PDLIM2: variants seen among roughly 807,000 people sequenced by gnomAD.
PDLIM2 encodes the protein PDZ and LIM domain 2.
In PDLIM2, 51 loss-of-function variants were observed where a neutral mutation model predicts 54.1. The ratio of observed to expected loss-of-function variants is 0.94; its 90% confidence interval spans 0.75 to 1.19. The LOEUF (loss-of-function observed/expected upper bound fraction) is 1.19. Ranked by LOEUF, PDLIM2 falls within the 50% of genes most tolerant of loss-of-function variation. The pLI, the probability that PDLIM2 is intolerant of heterozygous loss-of-function variation, is 0.00. For missense variants in PDLIM2, 912 were observed against 874.0 expected, an observed-to-expected ratio of 1.04 and a Z score of -0.55; for synonymous variants, 398 against 385.6, an observed-to-expected ratio of 1.03 and a Z score of -0.38.
At chr8:22,594,641 A>G (rs1410204947), downstream of PDLIM2, 1 of 1,613,096 alleles carries the variant, frequency 6.2e-7, no homozygotes, top group East Asian at 2.2e-5. Flanking sequence ...CATCCAGCCA[A>G]GCTGGTGAGA....
In PDLIM2 at chr8:22,581,704, G is replaced by A. The variant is rs146797408; in HGVS notation, c.995+174G>A. Among the ~76,000 whole-genome samples, 323 of 152,358 alleles carry A rather than the reference G, an allele frequency of 2.1e-3. 1 individual carries two copies. Among genetic ancestry groups the A allele is most frequent in the African/African-American group, 7.5e-3 (313 of 41,590 alleles). ...GGCTCTGCTTCCTGCAGCAGGGTGG[G>A]CTGAGGGGTGTTCCCATGCCTGGTT... On this transcript the variant is annotated intron_variant, in intron 3 of 9. Coordinates refer to ENST00000308354, the Ensembl canonical transcript of PDLIM2.
At chr8:22,591,123 C>T in intron 8 of PDLIM2, 1 of 228,566 alleles carries the variant, frequency 4.4e-6, no homozygotes, top group Non-Finnish European at 8.8e-6. Context: ...CGGGCGACAG[C>T]TGCCCCGTAG....
chr8:22,594,552 G>T, downstream of PDLIM2: 1 of 1,614,094 alleles, frequency 6.2e-7, no homozygotes, highest in South Asian at 1.1e-5. Context: ...GCTATGGAGG[G>T]AATGAGATTG....
At chr8:22,590,040 G>A in intron 8 of PDLIM2, 1 of 403,336 alleles carries the variant, frequency 2.5e-6, no homozygotes. Context: ...GGCCTCCAGG[G>A]AGGGCTTCTT....
In PDLIM2 at chr8:22,591,683, G is replaced by A; in HGVS notation, c.1631+15G>A. ...ACCAGCATCGCGTGAGTGTGGAGGG[G>A]GGTGGGGGACCTGAGCCTTCACAGG... On this transcript the variant is annotated intron_variant, in intron 9 of 9. Coordinates refer to ENST00000308354, the Ensembl canonical transcript of PDLIM2. 1 of 1,598,802 alleles carries A rather than the reference G, an allele frequency of 6.3e-7. No individual in the cohort carries two copies. The highest frequency in any genetic ancestry group is 8.5e-7 in the Non-Finnish European group (1 of 1,171,092).
At chr8:22,581,612 A>C in intron 3 of PDLIM2, 82 bp downstream of exon 2, 1 of 1,476,236 alleles carries the variant, frequency 6.8e-7, no homozygotes, top group Non-Finnish European at 9.0e-7. Flanking sequence ...GCTCCTGCCC[A>C]TGGGCTAGAG....
Position 22,579,131 on chromosome 8 carries a change from G to T in PDLIM2, c.352G>T (p.Glu118Ter). The stretch of plus-strand genomic sequence containing the variant: ...GGGAGCCCCGGGCGGGCTCTCCCCA[G>T]AGTCGGGTAGACGGCAGCGGGAGCG... Residue 118 changes from glutamate to a stop codon, truncating the protein, a stop_gained, in exon 1 of 10, where the codon GAG becomes TAG. Coordinates refer to ENST00000308354, the Ensembl canonical transcript of PDLIM2. LOFTEE classifies it high-confidence loss of function. The T allele has an allele frequency of 7.7e-7, 1 of 1,306,998 alleles. No homozygotes were observed. 81.0% of individuals were successfully genotyped at this position (1,306,998 alleles called of 1,614,324 possible).
At chr8:22,579,351 C>A in exon 1 of PDLIM2, 1 of 1,467,484 alleles carries the variant, frequency 6.8e-7, no homozygotes, top group South Asian at 1.3e-5. Context: ...CTCGCATCAG[C>A]GGGGGCGCCC....
At chr8:22,589,545 G>A (rs1393427962) in intron 7 of PDLIM2, 51 bp from the exon 7 acceptor site, 2 of 1,556,000 alleles carry the variant, frequency 1.3e-6, no homozygotes, top group South Asian at 1.2e-5. Context: ...CCCCTTGCTT[G>A]CCTAAGCTCC....
chr8:22,588,066 C>T (rs1229315515), intron 6 of PDLIM2: 1 of 152,300 alleles, frequency 6.6e-6, no homozygotes. Context: ...CGGAAACTAT[C>T]TCTAGGTCCT....
intron 8 of PDLIM2, 85 bp downstream of exon 7, chr8:22,589,826 CT>C: frequency 6.6e-7 from 1 of 1,512,556 alleles, no homozygotes; most frequent in South Asian, 1.2e-5. Context: ...AACCAGTGTT[CT>C]TAAGTGCCTG....
rs754320168 is a variant in PDLIM2 at position 22,591,681 on chromosome 8, G to C, written c.1631+13G>C. On this transcript the variant is annotated intron_variant, in intron 9 of 9. Transcript: ENST00000308354. ...GTACCAGCATCGCGTGAGTGTGGAG[G>C]GGGGTGGGGGACCTGAGCCTTCACA... is the stretch of plus-strand genomic sequence containing the variant. 1.9e-6 allele frequency: 3 copies of C among 1,599,254 alleles called. No homozygotes were observed. The highest frequency in any genetic ancestry group is 2.6e-6 in the Non-Finnish European group (3 of 1,171,390).
In PDLIM2 at chr8:22,593,543, T is replaced by TTCCA. The variant is rs61395553; in HGVS notation, c.1632-189_1632-186dup. On this transcript the variant is annotated intron_variant, in intron 9 of 9. Coordinates refer to ENST00000308354, the Ensembl canonical transcript of PDLIM2. ...TGTGAGCTGAGATCACACCATTGTA[T>TTCCA]TCCAGCCTGGGCAACAAGAGCAAAA... is the stretch of plus-strand genomic sequence containing the variant. 8.0e-3 allele frequency: 4,693 copies of TTCCA among 584,784 alleles called. 275 individuals are homozygous for TTCCA. The East Asian group carries it at 0.11, about 14-fold the overall frequency. 36.2% of individuals were successfully genotyped at this position (584,784 alleles called of 1,614,324 possible). A position where few individuals can be genotyped will look rare whatever the true frequency, so the allele number is the denominator to read the frequency against.
At chr8:22,588,995 T>C (rs1010982101) in intron 6 of PDLIM2, 10 of 541,140 alleles carry the variant, frequency 1.8e-5, no homozygotes, top group African/African-American at 1.6e-4. Flanking sequence ...GACTCTGTGC[T>C]TAGCTGTCAC....
chr8:22,582,994 C>A (rs2117341871), intron 3 of PDLIM2, among the ~76,000 whole-genome samples: 1 of 146,688 alleles, frequency 6.8e-6, no homozygotes, highest in South Asian at 2.2e-4. Flanking sequence ...GGAAGCAGGG[C>A]TCCAGGCTGG....
chr8:22,579,981 C>T (rs1382892351), intron 1 of PDLIM2, among the ~76,000 whole-genome samples: 10 of 152,260 alleles, frequency 6.6e-5, no homozygotes, highest in South Asian at 6.2e-4. Flanking sequence ...CGGTCTTGCC[C>T]GTGTGATCCA....
chr8:22,596,276 G>A (rs1800682774), downstream of PDLIM2: 1 of 152,242 alleles, frequency 6.6e-6, no homozygotes. Context: ...ATTCCAGTGA[G>A]GCATCGAATG....
exon 2 of PDLIM2, chr8:22,580,612 T>G: frequency 6.2e-7 from 1 of 1,614,034 alleles, no homozygotes; most frequent in Non-Finnish European, 8.5e-7. Context: ...GGTATGGCGT[T>G]GACGGTGGAT....
At chr8:22,578,750 C>G in exon 1 of PDLIM2, 4 of 1,233,474 alleles carry the variant, frequency 3.2e-6, no homozygotes, top group Non-Finnish European at 4.0e-6. Context: ...CAGACACACC[C>G]AGGCAGCCCA....
Sources: allele counts gnomAD v4.1 joint callset (sites outside exome capture counted in the v4.1 genomes callset), GRCh38; gene constraint gnomAD v4.1.1; transcripts MANE v1.5; gene names NCBI Gene and HGNC (gene_info 2026-07-23, HGNC 2026-07-21).